Variants in LTBP1 observed in about 807,000 individuals in gnomAD.
The protein encoded by LTBP1 is latent-transforming growth factor beta-binding protein 1.
In LTBP1, 129 loss-of-function variants were observed where a neutral mutation model predicts 207.6. The ratio of observed to expected loss-of-function variants is 0.62; its 90% CI spans 0.54 to 0.72. The LOEUF (loss-of-function observed/expected upper bound fraction) is 0.72, where lower values mean the gene tolerates loss of function less well. Among genes scored for constraint, LTBP1 ranks in the 30% least tolerant of loss-of-function variants. The probability of loss-of-function intolerance (pLI) is 0.00; values close to 1 mark genes in which losing one functional copy is unlikely to be tolerated. For synonymous variants in LTBP1, 963 were observed against 833.7 expected (o/e 1.16, Z -2.67); for missense variants, 2,281 against 2,217.2 (o/e 1.03, Z -0.58).
chr2:33,222,038 G>T (rs970957656), intron 8 of LTBP1, 42 bp from the exon 9 acceptor site: 1 of 1,437,102 alleles, frequency 7.0e-7, no homozygotes, highest in Non-Finnish European at 9.8e-7. Flanking sequence ...GTCTAAGATT[G>T]TAAGAATTTA....
chr2:33,362,481 A>G (rs1333064385), intron 28 of LTBP1, among the ~76,000 whole-genome samples: 2 of 152,196 alleles, frequency 1.3e-5, no homozygotes, highest in Non-Finnish European at 2.9e-5. Flanking sequence ...ATATTAAGGT[A>G]CAGAGCTTTG....
At chr2:33,323,635 A>AACAC (rs1051505860) in intron 24 of LTBP1, among the ~76,000 whole-genome samples, 1 of 151,486 alleles carries the variant, frequency 6.6e-6, no homozygotes, top group African/African-American at 2.4e-5. Flanking sequence ...TCTCAAAACA[A>AACAC]ACAAACAAAC....
At chr2:33,195,706 G>A (rs150829610) in intron 7 of LTBP1, among the ~76,000 whole-genome samples, 217 of 152,314 alleles carry the variant, frequency 1.4e-3, no homozygotes, top group African/African-American at 4.9e-3. Context: ...AATTGATAAA[G>A]CATTAGCAGG....
intron 31 of LTBP1, among the ~76,000 whole-genome samples, chr2:33,382,683 T>G (rs1375699587): frequency 6.6e-6 from 1 of 152,194 alleles, no homozygotes; most frequent in African/African-American, 2.4e-5. Flanking sequence ...AAGAGTACCT[T>G]AATTCCGTGC....
chr2:33,251,943 T>C (rs1159293938), intron 10 of LTBP1, among the ~76,000 whole-genome samples: 1 of 152,188 alleles, frequency 6.6e-6, no homozygotes, highest in Non-Finnish European at 1.5e-5. Context: ...TAGCAGAGTA[T>C]TTAGCTGTTA....
chr2:33,020,372 G>A (rs2075106273), intron 2 of LTBP1, among the ~76,000 whole-genome samples: 1 of 151,896 alleles, frequency 6.6e-6, no homozygotes, highest in African/African-American at 2.4e-5. Flanking sequence ...AAAAAATTTA[G>A]GCTTAAAAAA....
intron 26 of LTBP1, among the ~76,000 whole-genome samples, chr2:33,359,603 T>C (rs151230710): frequency 6.6e-6 from 1 of 152,344 alleles, no homozygotes; most frequent in African/African-American, 2.4e-5. Context: ...TGGCAATATT[T>C]CATTAGAATT....
intron 32 of LTBP1, among the ~76,000 whole-genome samples, chr2:33,390,073 A>T (rs1436270226): frequency 6.6e-6 from 1 of 152,246 alleles, no homozygotes; most frequent in Non-Finnish European, 1.5e-5. Context: ...TGTTAACTGT[A>T]CAAGTTGATC....
intron 24 of LTBP1, among the ~76,000 whole-genome samples, chr2:33,320,768 A>G (rs1272839446): frequency 6.6e-6 from 1 of 152,224 alleles, no homozygotes; most frequent in Non-Finnish European, 1.5e-5. Flanking sequence ...ACTTTGGATG[A>G]TAATGATGTA....
chr2:33,056,020 T>G (rs2076979268), intron 3 of LTBP1, among the ~76,000 whole-genome samples: 1 of 152,172 alleles, frequency 6.6e-6, no homozygotes, highest in South Asian at 2.1e-4. Flanking sequence ...TTGTGTATTC[T>G]CCCTCAATGA....
At chr2:33,125,371 A>G (rs984805962) in intron 4 of LTBP1, among the ~76,000 whole-genome samples, 2 of 152,196 alleles carry the variant, frequency 1.3e-5, no homozygotes, top group Non-Finnish European at 2.9e-5. Flanking sequence ...GTAGGCACTC[A>G]GTCCTTGTCT....
At chr2:32,953,028 C>G (rs1677423635) in intron 2 of LTBP1, among the ~76,000 whole-genome samples, 1 of 152,216 alleles carries the variant, frequency 6.6e-6, no homozygotes. Context: ...TTTTTACTCA[C>G]TTAACTCGTG....
intron 24 of LTBP1, among the ~76,000 whole-genome samples, chr2:33,337,921 C>A (rs1488636375): frequency 6.6e-6 from 1 of 152,132 alleles, no homozygotes; most frequent in Non-Finnish European, 1.5e-5. Context: ...TCTAGAATTA[C>A]TCGTATTTGT....
intron 2 of LTBP1, among the ~76,000 whole-genome samples, chr2:32,979,273 T>C (rs1022660679): frequency 1.3e-5 from 2 of 152,158 alleles, no homozygotes; most frequent in African/African-American, 4.8e-5. Context: ...TCTAGGTCTT[T>C]ATGATGCAGC....
intron 31 of LTBP1, among the ~76,000 whole-genome samples, chr2:33,365,751 A>G (rs2094978791): frequency 6.6e-6 from 1 of 152,072 alleles, no homozygotes; most frequent in East Asian, 1.9e-4. Flanking sequence ...TGAATGATAA[A>G]TGACCCAAAA....
At chr2:33,293,692 T>G (rs2093818668) in intron 20 of LTBP1, among the ~76,000 whole-genome samples, 1 of 152,138 alleles carries the variant, frequency 6.6e-6, no homozygotes, top group Non-Finnish European at 1.5e-5. Context: ...TTTAGAAAAT[T>G]TAGCAAATAG....
chr2:33,359,204 A>G (rs1327208902), intron 26 of LTBP1, among the ~76,000 whole-genome samples: 1 of 152,188 alleles, frequency 6.6e-6, no homozygotes, highest in Non-Finnish European at 1.5e-5. Flanking sequence ...AGGGATCTTT[A>G]TATTCTCACT....
At chr2:33,338,949 A>C (rs2094584193) in intron 24 of LTBP1, among the ~76,000 whole-genome samples, 1 of 152,178 alleles carries the variant, frequency 6.6e-6, no homozygotes. Context: ...CCCTTTAGCC[A>C]AGAGGAGATT....
chr2:33,281,224 A>G (rs1170497289), intron 19 of LTBP1, among the ~76,000 whole-genome samples: 1 of 152,190 alleles, frequency 6.6e-6, no homozygotes, highest in African/African-American at 2.4e-5. Flanking sequence ...TCACAGATAA[A>G]TGCAAACTCA....
Sources: gnomAD v4.1 joint callset for allele counts (sites outside exome capture counted in the v4.1 genomes callset) on GRCh38, gnomAD v4.1.1 for gene constraint, MANE v1.5 for transcripts, NCBI Gene and HGNC (gene_info 2026-07-23, HGNC 2026-07-21) for gene names.